The following CFAP77 variants were observed in gnomAD, a reference collection of about 807,000 sequenced individuals.
CFAP77 encodes cilia- and flagella-associated protein 77.
In CFAP77, 25 loss-of-function variants were observed where a neutral mutation model predicts 31.1. That is an observed-to-expected ratio of 0.80 (90% CI 0.59 to 1.12). The LOEUF (loss-of-function observed/expected upper bound fraction) is 1.12, where lower values mean the gene tolerates loss of function less well. Among genes scored for constraint, CFAP77 ranks in the 50% most tolerant of loss-of-function variants. CFAP77 has a pLI of 0.00. For missense variants in CFAP77, 377 were observed against 397.3 expected (o/e 0.95, Z 0.44); for synonymous variants, 151 against 159.9 (o/e 0.94, Z 0.42).
At chr9:132,550,708 G>A (rs562986320) in intron 5 of CFAP77, among the ~76,000 whole-genome samples, 11 of 151,738 alleles carry the variant, frequency 7.2e-5, no homozygotes, top group Non-Finnish European at 1.5e-5. Context: ...TAGAAACAGG[G>A]TCTCACTATG....
chr9:132,458,594 G>T (rs1303252542), intron 1 of CFAP77, among the ~76,000 whole-genome samples: 4 of 152,190 alleles, frequency 2.6e-5, no homozygotes, highest in Non-Finnish European at 5.9e-5. Context: ...GCATTGGGTA[G>T]CTCAGCACTG....
intron 1 of CFAP77, among the ~76,000 whole-genome samples, chr9:132,413,384 G>A (rs1331479680): frequency 6.6e-6 from 1 of 152,198 alleles, no homozygotes; most frequent in Non-Finnish European, 1.5e-5. Flanking sequence ...TTATTTAATA[G>A]GAGTGATTGA....
chr9:132,482,991 G>A (rs1036877855), intron 1 of CFAP77, among the ~76,000 whole-genome samples: 2 of 148,604 alleles, frequency 1.3e-5, no homozygotes, highest in African/African-American at 4.9e-5. Flanking sequence ...ACCCTTCCAG[G>A]CTATGTGAGG....
At position 132,424,388 on chromosome 9, in the gene CFAP77, C is replaced by A. The variant is rs1286253662; in HGVS notation, c.195+13922C>A. Among the ~76,000 whole-genome samples the A allele has an allele frequency of 2.6e-5, 4 of 151,702 alleles. No individual in the cohort carries two copies. The highest frequency in any genetic ancestry group is 2.9e-5 in the Non-Finnish European group (2 of 67,948). ...CTGCACTCCAGCCTGGGCGACAGAGCAAGACTCCATCTCAAAACAAAAAAA... is the reference window on the plus strand; with the variant it reads ...CTGCACTCCAGCCTGGGCGACAGAGAAAGACTCCATCTCAAAACAAAAAAA... On this transcript the variant is annotated intron_variant, in intron 1 of 5. Coordinates refer to ENST00000393216, the MANE Select transcript of CFAP77 (RefSeq NM_001282957.2). This position sits in a 1 kb window ranked among gnomAD's most constrained non-coding sequence, Gnocchi z 4.1.
At chr9:132,518,344 G>T (rs1852186072) in intron 3 of CFAP77, among the ~76,000 whole-genome samples, 1 of 152,130 alleles carries the variant, frequency 6.6e-6, no homozygotes. Flanking sequence ...GAGATGACTG[G>T]ATCATTCAGA....
rs772628691 is a variant in CFAP77 at position 132,484,852 on chromosome 9, CT to C, written c.196-13828del. On this transcript the variant is annotated intron_variant, in intron 1 of 5. Transcript: ENST00000393216. ...GGTAATTTCATCTTTAACTTTCTTT[CT>C]TTTTTTTTTTTTTTAGATGGAGTCT... 9.5e-3 allele frequency among the ~76,000 whole-genome samples: 1,314 copies of C among 137,884 alleles called. 1 individual carries two copies. The highest frequency in any genetic ancestry group is 0.015 in the African/African-American group (567 of 37,520). The allele number at this position is 137,884 out of a possible 152,430, so 90.5% of individuals were successfully genotyped here. A position where few individuals can be genotyped will look rare whatever the true frequency, so the allele number is the denominator to read the frequency against.
chr9:132,509,493 G>A (rs183341616), intron 3 of CFAP77, among the ~76,000 whole-genome samples: 42 of 152,326 alleles, frequency 2.8e-4, no homozygotes, highest in African/African-American at 1.0e-3. Context: ...GGCCAGTCTT[G>A]CTCGGTGGCT....
intron 1 of CFAP77, among the ~76,000 whole-genome samples, chr9:132,443,789 AT>A (rs1850660151): frequency 6.6e-6 from 1 of 152,182 alleles, no homozygotes; most frequent in South Asian, 2.1e-4. Flanking sequence ...TGAAAATAGG[AT>A]TCCAGATTAC....
At chr9:132,488,899 G>A (rs914004724) in intron 1 of CFAP77, among the ~76,000 whole-genome samples, 1 of 152,312 alleles carries the variant, frequency 6.6e-6, no homozygotes. Context: ...GGGAAATAAG[G>A]CAGAGAGGGA....
chr9:132,461,413 C>G (rs894568707), intron 1 of CFAP77, among the ~76,000 whole-genome samples: 4 of 152,226 alleles, frequency 2.6e-5, no homozygotes, highest in African/African-American at 9.6e-5. Flanking sequence ...TACAATTTGG[C>G]TAATGCCTTA....
In CFAP77 at chr9:132,554,938, A is replaced by AT. The variant is rs1852875308; in HGVS notation, c.732+11891_732+11892insT. Among the ~76,000 whole-genome samples the AT allele has an allele frequency of 2.3e-5, 3 of 129,178 alleles. No individual in the cohort carries two copies. The highest frequency in any genetic ancestry group is 1.1e-4 in the African/African-American group (3 of 26,468). 84.7% of individuals were successfully genotyped at this position (129,178 alleles called of 152,430 possible). ...CATGCATGCATGCATCCATCCATCCACCCATCCATCCATCCATCCATCCAT... is the reference window on the plus strand; with the variant it reads ...CATGCATGCATGCATCCATCCATCCATCCCATCCATCCATCCATCCATCCAT... On this transcript the variant is annotated intron_variant, in intron 5 of 5. Transcript: ENST00000393216. This position sits in a 1 kb window ranked among gnomAD's most constrained non-coding sequence, Gnocchi z 4.1.
In CFAP77 at chr9:132,499,646, G is replaced by T. The variant is rs1312166598; in HGVS notation, c.524+46G>T. 1 of 1,557,686 alleles carries T rather than the reference G, an allele frequency of 6.4e-7. No homozygotes were observed. Among genetic ancestry groups the T allele is most frequent in the East Asian group, 2.2e-5 (1 of 44,576 alleles). On this transcript the variant is annotated intron_variant, in intron 3 of 5. Coordinates refer to ENST00000393216, the MANE Select transcript of CFAP77 (RefSeq NM_001282957.2). This position sits in a 1 kb window ranked among gnomAD's most constrained non-coding sequence, Gnocchi z 5.4. ...GGCTTCATCCCTTGAGGGGGTGGAG[G>T]TACCAGCTCAATCAGGGACAAGGTC... is the stretch of plus-strand genomic sequence containing the variant.
intron 1 of CFAP77, among the ~76,000 whole-genome samples, chr9:132,432,507 G>A (rs1164712408): frequency 6.6e-6 from 1 of 150,944 alleles, no homozygotes; most frequent in African/African-American, 2.4e-5. Flanking sequence ...CAGATAGCAA[G>A]AGGGTCCCTT....
At chr9:132,514,661 A>G (rs565152286) in intron 3 of CFAP77, among the ~76,000 whole-genome samples, 23 of 152,294 alleles carry the variant, frequency 1.5e-4, no homozygotes, top group Non-Finnish European at 2.9e-4. Flanking sequence ...AAGTGTTAAC[A>G]CGTTGCAAAT....
chr9:132,503,397 T>G (rs1364913512), intron 3 of CFAP77, among the ~76,000 whole-genome samples: 1 of 152,184 alleles, frequency 6.6e-6, no homozygotes, highest in African/African-American at 2.4e-5. Context: ...GACAGTGTGG[T>G]GGCAGGAGAG....
chr9:132,542,183 G>A (rs1275880504), intron 4 of CFAP77, among the ~76,000 whole-genome samples: 1 of 152,172 alleles, frequency 6.6e-6, no homozygotes, highest in African/African-American at 2.4e-5. Context: ...GGGCTGCCCT[G>A]AGCCAGGTCT....
At chr9:132,492,406 G>A (rs1422478335) in intron 1 of CFAP77, among the ~76,000 whole-genome samples, 1 of 152,134 alleles carries the variant, frequency 6.6e-6, no homozygotes, top group Non-Finnish European at 1.5e-5. Context: ...GGGCGGAGAA[G>A]GCCAGGAAGT....
In CFAP77 at chr9:132,455,527, C is replaced by T. The variant is rs866613909; in HGVS notation, c.196-43168C>T. 2.1e-4 allele frequency among the ~76,000 whole-genome samples: 32 copies of T among 150,410 alleles called. No individual in the cohort carries two copies. The highest frequency in any genetic ancestry group is 7.3e-4 in the African/African-American group (30 of 40,948). ...CTGAAAAAAAAAAACAAAAAAACTT[C>T]GAGACCAGCCTGGGCAACATGGCGA... On this transcript the variant is annotated intron_variant, in intron 1 of 5. Transcript: ENST00000393216. This position sits in a 1 kb window ranked among gnomAD's most constrained non-coding sequence, Gnocchi z 4.1.
intron 3 of CFAP77, among the ~76,000 whole-genome samples, chr9:132,526,139 G>T (rs907178150): frequency 2.0e-5 from 3 of 151,966 alleles, no homozygotes; most frequent in African/African-American, 7.2e-5. Context: ...AAGTTTTTAG[G>T]TCAACCTAAG....
Sources: gnomAD v4.1 joint callset for allele counts (sites outside exome capture counted in the v4.1 genomes callset) on GRCh38, gnomAD v4.1.1 for gene constraint, Gnocchi (gnomAD v3.1) non-coding constraint, MANE v1.5 for transcripts, NCBI Gene and HGNC (gene_info 2026-07-23, HGNC 2026-07-21) for gene names.